Variants in TMEM156 observed in about 807,000 individuals in gnomAD.
TMEM156 encodes transmembrane protein 156.
Under a neutral mutation model 30.5 loss-of-function variants are expected in TMEM156, and 28 were observed. The observed-to-expected ratio is 0.92, with a 90% confidence interval of 0.68 to 1.26. The LOEUF is 1.26. TMEM156 is among the 50% of genes most tolerant of loss of function. The pLI, the probability that TMEM156 is intolerant of heterozygous loss-of-function variation, is 0.00. For missense variants in TMEM156, 351 were observed against 340.6 expected (o/e 1.03, Z -0.24); for synonymous variants, 137 against 119.9 (o/e 1.14, Z -0.93).
chr4:38,990,272 G>T (rs1174823699), intron 3 of TMEM156, among the ~76,000 whole-genome samples: 1 of 152,172 alleles, frequency 6.6e-6, no homozygotes, highest in Non-Finnish European at 1.5e-5. Context: ...CACTAAATAG[G>T]CATTAAGCAT....
intron 6 of TMEM156, among the ~76,000 whole-genome samples, chr4:38,970,132 C>CTGTGTGTGTGTG (rs1396270264): frequency 6.8e-6 from 1 of 146,522 alleles, no homozygotes; most frequent in Non-Finnish European, 1.5e-5. Context: ...TCCTCACACA[C>CTGTGTGTGTGTG]TGTGTGTGTG....
In TMEM156 at chr4:38,994,291, A is replaced by T. The variant is rs66720889; in HGVS notation, c.359-293T>A. Among the ~76,000 whole-genome samples, 6 of 151,836 alleles carry T rather than the reference A, an allele frequency of 4.0e-5. No homozygotes were observed. The South Asian group carries it at 1.0e-3, about 26-fold the overall frequency. ...AGGTGTATGCCACTATGCTCAGCTAATTTTTTTAATTTTTTGTAGAGATTG... is the reference window on the plus strand; with the variant it reads ...AGGTGTATGCCACTATGCTCAGCTATTTTTTTTAATTTTTTGTAGAGATTG... On this transcript the variant is annotated intron_variant, in intron 2 of 6. Transcript: ENST00000381938.
Position 38,993,688 on chromosome 4 carries a change from A to G in TMEM156, c.619+50T>C, listed in dbSNP as rs754473166. On this transcript the variant is annotated intron_variant, in intron 3 of 6. Transcript: ENST00000381938. ...TGTGATAGCCCTTACTTAATTTTAC[A>G]TATCTATATCGGATAACTCCTTTTC... The G allele has an allele frequency of 3.9e-6, 6 of 1,528,074 alleles. No individual in the cohort carries two copies. In the African/African-American group the frequency reaches 4.1e-5, roughly 11 times the overall value. The allele number at this position is 1,528,074 out of a possible 1,614,324, so 94.7% of individuals were successfully genotyped here. A position where few individuals can be genotyped will look rare whatever the true frequency, so the allele number is the denominator to read the frequency against.
chr4:38,992,764 T>A (rs189544154), intron 3 of TMEM156, among the ~76,000 whole-genome samples: 9,315 of 79,134 alleles, frequency 0.12, 514 homozygotes, highest in South Asian at 0.21. Context: ...ATATATATAT[T>A]TTTTTTTGTC....
chr4:39,008,951 G>C (rs926971641), intron 1 of TMEM156, among the ~76,000 whole-genome samples: 4 of 151,940 alleles, frequency 2.6e-5, no homozygotes, highest in Non-Finnish European at 5.9e-5. Flanking sequence ...AAACCATACA[G>C]AGGTTCAATG....
chr4:38,976,025 G>A (rs571131427), intron 5 of TMEM156, among the ~76,000 whole-genome samples: 24 of 151,924 alleles, frequency 1.6e-4, no homozygotes, highest in African/African-American at 5.1e-4. Context: ...AGTGGCTCAC[G>A]ACTGTAATCC....
chr4:39,031,915 A>AG (rs1715544223), intron 1 of TMEM156, among the ~76,000 whole-genome samples: 3 of 150,694 alleles, frequency 2.0e-5, no homozygotes, highest in African/African-American at 7.3e-5. Context: ...ATAAAAAAAA[A>AG]CTGCTTTGAA....
At chr4:39,017,341 A>AT (rs1259413769) in intron 1 of TMEM156, among the ~76,000 whole-genome samples, 1 of 149,292 alleles carries the variant, frequency 6.7e-6, no homozygotes, top group Non-Finnish European at 1.5e-5. Context: ...CGCCTGGCTA[A>AT]TTTTTTTTGT....
At chr4:38,976,289 CAAAA>C (rs34271253) in intron 5 of TMEM156, among the ~76,000 whole-genome samples, 81 of 74,306 alleles carry the variant, frequency 1.1e-3, no homozygotes, top group African/African-American at 4.2e-3. Flanking sequence ...GACTCCGTCT[CAAAA>C]AAAAAAAAAA....
intron 5 of TMEM156, among the ~76,000 whole-genome samples, chr4:38,977,753 AT>A (rs1021266474): frequency 5.3e-5 from 8 of 152,182 alleles, no homozygotes; most frequent in African/African-American, 1.9e-4. Flanking sequence ...CCTTAAAAAA[AT>A]TTTTTTAAAT....
chr4:39,032,046 T>C (rs1436438298), intron 1 of TMEM156, among the ~76,000 whole-genome samples, 180 bp downstream of exon 1: 1 of 152,174 alleles, frequency 6.6e-6, no homozygotes, highest in East Asian at 1.9e-4. Flanking sequence ...GTACTATGAA[T>C]TAGGTTACTG....
chr4:39,009,667 C>T (rs989632373), intron 1 of TMEM156, among the ~76,000 whole-genome samples: 6 of 152,008 alleles, frequency 3.9e-5, no homozygotes, highest in South Asian at 2.1e-4. Flanking sequence ...TCTCAATAGA[C>T]GCAGAAAAAG....
rs578240774 is a variant in TMEM156, at chr4:39,005,532, A to G, written c.89-6623T>C. ...GTCAATTAAACTTCTTTCCTTTATAAATTACCCAGTCTCGGATAGTATCTT... is the reference window on the plus strand; with the variant it reads ...GTCAATTAAACTTCTTTCCTTTATAGATTACCCAGTCTCGGATAGTATCTT... On this transcript the variant is annotated intron_variant, in intron 1 of 6. Transcript: ENST00000381938. Among the ~76,000 whole-genome samples, 146 of 151,940 alleles carry G rather than the reference A, an allele frequency of 9.6e-4. 1 individual carries two copies. The South Asian group carries it at 0.02, about 21-fold the overall frequency.
At chr4:38,991,183 A>G (rs1207109499) in intron 3 of TMEM156, among the ~76,000 whole-genome samples, 2 of 147,918 alleles carry the variant, frequency 1.4e-5, no homozygotes, top group African/African-American at 2.5e-5. Flanking sequence ...AGCAGAGTAA[A>G]CTATGAATAA....
intron 2 of TMEM156, among the ~76,000 whole-genome samples, chr4:38,996,025 T>C (rs1211829547): frequency 2.0e-5 from 3 of 152,140 alleles, no homozygotes; most frequent in African/African-American, 7.2e-5. Flanking sequence ...TCAAACTGTT[T>C]ATCTGATAAA....
intron 1 of TMEM156, among the ~76,000 whole-genome samples, chr4:39,000,410 C>G (rs1481652280): frequency 6.6e-6 from 1 of 151,902 alleles, no homozygotes; most frequent in Non-Finnish European, 1.5e-5. Context: ...AAAAAAGATT[C>G]CAGTGCTATA....
chr4:38,983,567 T>A (rs977102495), intron 5 of TMEM156, among the ~76,000 whole-genome samples: 1 of 152,060 alleles, frequency 6.6e-6, no homozygotes, highest in African/African-American at 2.4e-5. Flanking sequence ...TCTGACTAAT[T>A]TTGTTTATTT....
At chr4:39,007,358 A>T (rs913947889) in intron 1 of TMEM156, among the ~76,000 whole-genome samples, 1 of 152,186 alleles carries the variant, frequency 6.6e-6, no homozygotes, top group Non-Finnish European at 1.5e-5. Flanking sequence ...TCTAGAAATC[A>T]GTTGGAGAAG....
intron 1 of TMEM156, among the ~76,000 whole-genome samples, chr4:39,031,902 A>T (rs865900720): frequency 2.5e-5 from 3 of 118,628 alleles, no homozygotes; most frequent in African/African-American, 8.7e-5. Context: ...AAAAAATAAA[A>T]AAATAAAAAA....
Sources: gnomAD v4.1 joint callset for allele counts (sites outside exome capture counted in the v4.1 genomes callset) on GRCh38, gnomAD v4.1.1 for gene constraint, MANE v1.5 for transcripts, NCBI Gene and HGNC (gene_info 2026-07-23, HGNC 2026-07-21) for gene names.